Variants in LRRC42 observed in about 807,000 individuals in gnomAD.
The protein encoded by LRRC42 is leucine-rich repeat-containing protein 42.
In LRRC42, 43 loss-of-function variants were observed where a neutral mutation model predicts 44.3. The observed-to-expected ratio is 0.97, with a 90% confidence interval of 0.76 to 1.25. The LOEUF (loss-of-function observed/expected upper bound fraction) is 1.25, where lower values mean the gene tolerates loss of function less well. LRRC42 is among the 50% of genes most tolerant of loss of function. The pLI is 0.00. For missense variants in LRRC42, 540 were observed against 509.1 expected (o/e 1.06, Z -0.58); for synonymous variants, 207 against 195.2 (o/e 1.06, Z -0.50).
intron 5 of LRRC42, among the ~76,000 whole-genome samples, chr1:53,960,716 G>A (rs1388528819): frequency 2.0e-5 from 3 of 152,108 alleles, no homozygotes; most frequent in South Asian, 2.1e-4. Flanking sequence ...CATGCCACTC[G>A]CTGTGTGCAA....
At chr1:53,966,799 C>T (rs1655137912) in intron 8 of LRRC42, among the ~76,000 whole-genome samples, 1 of 152,082 alleles carries the variant, frequency 6.6e-6, no homozygotes, top group Non-Finnish European at 1.5e-5. Flanking sequence ...ATGGATGAGC[C>T]TGCAAGATGT....
chr1:53,966,237 G>T, intron 7 of LRRC42, 59 bp from the exon 8 acceptor site: 2 of 1,363,780 alleles, frequency 1.5e-6, no homozygotes, highest in South Asian at 1.2e-5. Flanking sequence ...AACAAGAAAG[G>T]CTTGAGATTA....
chr1:53,965,137 T>C (rs1470494207), intron 7 of LRRC42, among the ~76,000 whole-genome samples: 1 of 151,660 alleles, frequency 6.6e-6, no homozygotes, highest in Non-Finnish European at 1.5e-5. Context: ...CCCGAGTAGC[T>C]GGGACCACCA....
chr1:53,961,738 C>T (rs1399047275), intron 5 of LRRC42, among the ~76,000 whole-genome samples: 1 of 152,148 alleles, frequency 6.6e-6, no homozygotes, highest in Non-Finnish European at 1.5e-5. Context: ...TGTATGTTTT[C>T]ATATGGTTCC....
chr1:53,961,384 C>A (rs921879204), intron 5 of LRRC42, among the ~76,000 whole-genome samples: 6 of 151,680 alleles, frequency 4.0e-5, no homozygotes, highest in Admixed American at 1.3e-4. Flanking sequence ...TCACTCCAGC[C>A]TGGGTGACAG....
chr1:53,962,589 C>T lies in LRRC42; in HGVS notation c.927+180C>T, dbSNP rs78917913. The stretch of plus-strand genomic sequence containing the variant: ...GGCCCACGTGCTTAAAGAATTGGCG[C>T]CAGACCTTATATCTCATGCTCTGGT... On this transcript the variant is annotated intron_variant, in intron 7 of 8. Coordinates refer to ENST00000371370, the MANE Select transcript of LRRC42 (RefSeq NM_001256409.2). 2.2e-3 allele frequency among the ~76,000 whole-genome samples: 336 copies of T among 152,292 alleles called. 4 individuals carry two copies. The highest frequency in any genetic ancestry group is 7.9e-3 in the African/African-American group (330 of 41,552).
intron 8 of LRRC42, among the ~76,000 whole-genome samples, chr1:53,966,774 G>A (rs1221240656): frequency 2.0e-5 from 3 of 149,278 alleles, no homozygotes; most frequent in Non-Finnish European, 4.4e-5. Context: ...TTAAAAGTAA[G>A]GAAACCGACA....
chr1:53,956,207 G>T (rs1433220273), intron 3 of LRRC42, among the ~76,000 whole-genome samples: 1 of 152,128 alleles, frequency 6.6e-6, no homozygotes, highest in Admixed American at 6.5e-5. Context: ...GCTATCTTGG[G>T]GTTAAGTCAC....
chr1:53,959,794 A>ATCCCCTAGTGGACT (rs1424557333), intron 4 of LRRC42, among the ~76,000 whole-genome samples: 1 of 152,172 alleles, frequency 6.6e-6, no homozygotes, highest in Non-Finnish European at 1.5e-5. Context: ...AAGTATATTT[A>ATCCCCTAGTGGACT]TCCCCTAGTG....
At chr1:53,955,754 G>C (rs1017879116) in intron 3 of LRRC42, among the ~76,000 whole-genome samples, 1 of 149,072 alleles carries the variant, frequency 6.7e-6, no homozygotes, top group Non-Finnish European at 1.5e-5. Flanking sequence ...TCAGCCTCCC[G>C]AGTAGCTGGG....
intron 3 of LRRC42, among the ~76,000 whole-genome samples, chr1:53,953,570 A>G (rs1472670025): frequency 6.6e-6 from 1 of 152,060 alleles, no homozygotes; most frequent in African/African-American, 2.4e-5. Context: ...CATGTTGGCC[A>G]GGATGGTGTC....
At chr1:53,962,236 G>C (rs548351868) in intron 6 of LRRC42, 60 bp from the exon 7 acceptor site, 21 of 1,478,114 alleles carry the variant, frequency 1.4e-5, no homozygotes, top group Non-Finnish European at 1.9e-5. Context: ...ATTTACTACT[G>C]AAAACAAGTA....
In LRRC42 at chr1:53,951,978, T is replaced by A. The variant is rs1164214282; in HGVS notation, c.-14-8T>A. On this transcript the variant is annotated splice_polypyrimidine_tract_variant and splice_region_variant and intron_variant, in intron 2 of 8. Coordinates refer to ENST00000371370, the MANE Select transcript of LRRC42 (RefSeq NM_001256409.2). Reference sequence around the variant, plus strand: ...TTGGATTTGCTTCCCTGTGCCTTGCTTTTACAGTTGCAACCAAGGCAATGT... The same window carrying A: ...TTGGATTTGCTTCCCTGTGCCTTGCATTTACAGTTGCAACCAAGGCAATGT... The A allele has an allele frequency of 2.5e-6, 4 of 1,599,398 alleles. No homozygotes were observed. The highest frequency in any genetic ancestry group is 3.4e-6 in the Non-Finnish European group (4 of 1,171,048).
chr1:53,965,099 G>A (rs1655094503), intron 7 of LRRC42, among the ~76,000 whole-genome samples: 1 of 151,156 alleles, frequency 6.6e-6, no homozygotes, highest in African/African-American at 2.4e-5. Flanking sequence ...TCCACCTCCG[G>A]GTTCAAGTGA....
intron 7 of LRRC42, among the ~76,000 whole-genome samples, chr1:53,966,093 C>T (rs909644150): frequency 1.3e-5 from 2 of 152,174 alleles, no homozygotes; most frequent in African/African-American, 4.8e-5. Flanking sequence ...ATATATCCAA[C>T]GTGTTTGCAT....
At chr1:53,948,315 C>A (rs907231947) in intron 2 of LRRC42, among the ~76,000 whole-genome samples, 1 of 152,164 alleles carries the variant, frequency 6.6e-6, no homozygotes, top group Non-Finnish European at 1.5e-5. Flanking sequence ...CATAGTCATG[C>A]TTTTTGCTTG....
chr1:53,959,456 C>A (rs1654934326), intron 4 of LRRC42, among the ~76,000 whole-genome samples: 1 of 152,164 alleles, frequency 6.6e-6, no homozygotes. Context: ...TAACCTACTA[C>A]CTGAGGCCTG....
At position 53,964,085 on chromosome 1, in the gene LRRC42, T is replaced by C. The variant is rs548247930; in HGVS notation, c.927+1676T>C. ...TTCCTGTCCAGTCTGTCCCACCCCC[T>C]CCTTGCCTACTCAGTTCTTACTCCC... On this transcript the variant is annotated intron_variant, in intron 7 of 8. Transcript: ENST00000371370. Among the ~76,000 whole-genome samples, 23 of 151,258 alleles carry C rather than the reference T, an allele frequency of 1.5e-4. No homozygotes were observed. The East Asian group carries it at 3.9e-3, about 26-fold the overall frequency.
intron 7 of LRRC42, among the ~76,000 whole-genome samples, chr1:53,963,487 A>G (rs1655048356): frequency 6.6e-6 from 1 of 152,216 alleles, no homozygotes; most frequent in African/African-American, 2.4e-5. Flanking sequence ...TGTACAACCT[A>G]AAGCAACTTT....
Sources: allele counts gnomAD v4.1 joint callset (sites outside exome capture counted in the v4.1 genomes callset), GRCh38; gene constraint gnomAD v4.1.1; transcripts MANE v1.5; gene names NCBI Gene and HGNC (gene_info 2026-07-23, HGNC 2026-07-21).